Variants in NDUFB9 observed in about 807,000 individuals in gnomAD.
The protein encoded by NDUFB9 is NADH dehydrogenase [ubiquinone] 1 beta subcomplex subunit 9.
Under a neutral mutation model 30.2 loss-of-function variants are expected in NDUFB9, and 24 were observed. The ratio of observed to expected loss-of-function variants is 0.80; its 90% confidence interval spans 0.58 to 1.12. The LOEUF (loss-of-function observed/expected upper bound fraction) is 1.12. Ranked by LOEUF, NDUFB9 falls within the 50% of genes most tolerant of loss-of-function variation. The probability of loss-of-function intolerance (pLI) is 0.00; values close to 1 mark genes in which losing one functional copy is unlikely to be tolerated. For missense variants in NDUFB9, 204 were observed against 226.0 expected (o/e 0.90, Z 0.62); for synonymous variants, 80 against 84.0 (o/e 0.95, Z 0.26).
At chr8:124,539,562 T>C in intron 1 of NDUFB9, 1 of 464,494 alleles carries the variant, frequency 2.2e-6, no homozygotes. Context: ...GAAAATTAAG[T>C]GAAATAAAGG....
At position 124,543,105 on chromosome 8, in the gene NDUFB9, T is replaced by A; in HGVS notation, c.120T>A (p.Phe40Leu). The A allele has an allele frequency of 6.2e-7, 1 of 1,614,216 alleles. No homozygotes were observed. Among genetic ancestry groups the A allele is most frequent in the Non-Finnish European group, 8.5e-7 (1 of 1,180,034 alleles). Residue 40 changes from phenylalanine (F) to leucine (L), a missense_variant, in exon 2 of 4, where the codon TTT becomes TTA. Coordinates refer to ENST00000276689, the MANE Select transcript of NDUFB9 (RefSeq NM_005005.3). Reference sequence around the variant, plus strand: ...GTTTAAGAGACAAATACCGATACTTTGCTTGTTTGATGAGAGCCCGGTTTG... The same window carrying A: ...GTTTAAGAGACAAATACCGATACTTAGCTTGTTTGATGAGAGCCCGGTTTG... Reference protein sequence around the residue: ...WCVQRDKYRYFACLMRARFEE... With the variant: ...WCVQRDKYRYLACLMRARFEE...
In NDUFB9 at chr8:124,549,675, A is replaced by G; in HGVS notation, c.409-86A>G. On this transcript the variant is annotated intron_variant, in intron 3 of 3. Transcript: ENST00000276689. ...GTAATGTCAGTGACACACCATAGAC[A>G]TAAAGCTGACCCTTCACTGCAGCAG... The G allele has an allele frequency of 3.1e-6, 4 of 1,304,830 alleles. No homozygotes were observed. The South Asian group carries it at 4.8e-5, about 16-fold the overall frequency. The allele number at this position is 1,304,830 out of a possible 1,614,324, so 80.8% of individuals were successfully genotyped here.
At chr8:124,540,766 GTTC>G (rs1821935735) in intron 1 of NDUFB9, among the ~76,000 whole-genome samples, 1 of 151,864 alleles carries the variant, frequency 6.6e-6, no homozygotes, top group African/African-American at 2.4e-5. Context: ...GTTCTCTGTG[GTTC>G]CATCCTAGGC....
chr8:124,546,718 C>A (rs984328550), intron 2 of NDUFB9: 11 of 511,198 alleles, frequency 2.2e-5, no homozygotes, highest in South Asian at 4.5e-5. Context: ...TAAGACTACT[C>A]TGGATATTTA....
chr8:124,543,619 A>C (rs576679375), intron 2 of NDUFB9, among the ~76,000 whole-genome samples: 72 of 152,282 alleles, frequency 4.7e-4, no homozygotes, highest in African/African-American at 1.7e-3. Context: ...ATCTACACAC[A>C]GTTGTGGTGA....
intron 1 of NDUFB9, 48 bp from the exon 2 acceptor site, chr8:124,543,039 C>G (rs988660721): frequency 6.3e-7 from 1 of 1,594,306 alleles, no homozygotes; most frequent in Admixed American, 1.7e-5. Context: ...CAACACTGAC[C>G]ACGTGAGTAG....
At chr8:124,541,484 A>T (rs1586711515) in intron 1 of NDUFB9, among the ~76,000 whole-genome samples, 1 of 152,228 alleles carries the variant, frequency 6.6e-6, no homozygotes. Context: ...AACACTTGGG[A>T]TGTACCAGGC....
intron 1 of NDUFB9, among the ~76,000 whole-genome samples, chr8:124,541,537 C>T (rs1370638026): frequency 6.6e-6 from 1 of 152,202 alleles, no homozygotes; most frequent in Non-Finnish European, 1.5e-5. Flanking sequence ...TTATGACAAC[C>T]TTAAGATATA....
chr8:124,543,058 T>C (rs762102001), intron 1 of NDUFB9, 29 bp from the exon 2 acceptor site: 2 of 1,610,236 alleles, frequency 1.2e-6, no homozygotes, highest in East Asian at 4.5e-5. Context: ...AGGTAACATT[T>C]CTAATCTTCA....
At chr8:124,540,055 C>G (rs574458806) in intron 1 of NDUFB9, among the ~76,000 whole-genome samples, 14 of 152,150 alleles carry the variant, frequency 9.2e-5, no homozygotes, top group Non-Finnish European at 1.8e-4. Context: ...TCCAGTCTTA[C>G]GACTCTCCAA....
rs775508441 is a variant in NDUFB9, at chr8:124,543,142, A to C, written c.157A>C (p.Asn53His). ...LMRARFEEHK[N>H]EKDMAKATQL... is the part of the protein sequence containing the mutation. Reference sequence around the variant, plus strand: ...GAGAGCCCGGTTTGAAGAACATAAGAATGAAAAGGATATGGCGAAGGCCAC... The same window carrying C: ...GAGAGCCCGGTTTGAAGAACATAAGCATGAAAAGGATATGGCGAAGGCCAC... The change falls in exon 2 of 4, where the codon AAT becomes CAT. Residue 53 changes from asparagine to histidine, a missense_variant. Coordinates refer to ENST00000276689, the MANE Select transcript of NDUFB9 (RefSeq NM_005005.3). 51 of 1,614,114 alleles carry C rather than the reference A, an allele frequency of 3.2e-5. No individual in the cohort carries two copies. Among genetic ancestry groups the C allele is most frequent in the Non-Finnish European group, 4.0e-5 (47 of 1,180,060 alleles).
At chr8:124,542,928 A>T in intron 1 of NDUFB9, 159 bp from the exon 2 acceptor site, 1 of 690,656 alleles carries the variant, frequency 1.4e-6, no homozygotes, top group Non-Finnish European at 2.5e-6. Flanking sequence ...GGTGGGCTGT[A>T]GAGGAAGCAG....
chr8:124,541,256 T>A (rs1356140948), intron 1 of NDUFB9, among the ~76,000 whole-genome samples: 2 of 152,224 alleles, frequency 1.3e-5, no homozygotes, highest in Admixed American at 6.5e-5. Flanking sequence ...AAACTTGTTT[T>A]CCTGTCACTC....
intron 3 of NDUFB9, 117 bp from the exon 4 acceptor site, chr8:124,549,640 CAGAT>C: frequency 3.3e-6 from 3 of 907,400 alleles, no homozygotes; most frequent in Non-Finnish European, 5.4e-6. Flanking sequence ...ATATTGTGAT[CAGAT>C]AGTGTGTAAT....
Position 124,541,457 on chromosome 8 carries a change from A to G in NDUFB9, c.102-1630A>G, listed in dbSNP as rs548780060. Among the ~76,000 whole-genome samples, 14 of 152,342 alleles carry G rather than the reference A, an allele frequency of 9.2e-5. 1 individual carries two copies. In the South Asian group the frequency reaches 2.9e-3, roughly 32 times the overall value. ...TAAATTCTCTTTCCAGTATGATATTAGTAACTGACATTATTTAACACTTGG... is the reference window on the plus strand; with the variant it reads ...TAAATTCTCTTTCCAGTATGATATTGGTAACTGACATTATTTAACACTTGG... On this transcript the variant is annotated intron_variant, in intron 1 of 3. Transcript: ENST00000276689.
chr8:124,544,351 A>G (rs1198251456), intron 2 of NDUFB9, among the ~76,000 whole-genome samples: 1 of 152,238 alleles, frequency 6.6e-6, no homozygotes, highest in African/African-American at 2.4e-5. Context: ...GCTGCAGCAA[A>G]TTATTACACA....
intron 2 of NDUFB9, among the ~76,000 whole-genome samples, chr8:124,546,443 T>C (rs1431494143): frequency 2.0e-5 from 3 of 152,332 alleles, no homozygotes; most frequent in Middle Eastern, 3.4e-3. Flanking sequence ...CAAAAACATT[T>C]TGTGACTTGC....
chr8:124,548,845 G>A (rs1253929254), intron 3 of NDUFB9, among the ~76,000 whole-genome samples: 1 of 152,170 alleles, frequency 6.6e-6, no homozygotes, highest in Non-Finnish European at 1.5e-5. Context: ...ACAAATGAGT[G>A]GGAAAGGGAG....
At position 124,543,363 on chromosome 8, in the gene NDUFB9, C is replaced by T. The variant is rs531295472; in HGVS notation, c.294+84C>T. 1.6e-5 allele frequency: 23 copies of T among 1,401,734 alleles called. No homozygotes were observed. In the African/African-American group the frequency reaches 2.7e-4, roughly 16 times the overall value. The allele number at this position is 1,401,734 out of a possible 1,614,324, so 86.8% of individuals were successfully genotyped here. ...CACCTCAGCCTCAGAAATCACTTGC[C>T]CTTCAAGGGGTAGCTAGGAGACTTA... is the stretch of plus-strand genomic sequence containing the variant. On this transcript the variant is annotated intron_variant, in intron 2 of 3. Coordinates refer to ENST00000276689, the MANE Select transcript of NDUFB9 (RefSeq NM_005005.3).
Sources: allele counts gnomAD v4.1 joint callset (sites outside exome capture counted in the v4.1 genomes callset), GRCh38; gene constraint gnomAD v4.1.1; transcripts MANE v1.5; gene names NCBI Gene and HGNC (gene_info 2026-07-23, HGNC 2026-07-21).